Variants in TAB2 observed in about 807,000 individuals in gnomAD.
TAB2 encodes the protein TGF-beta-activated kinase 1 and MAP3K7-binding protein 2.
TAB2 carries 3 observed loss-of-function variants against 65.0 expected under a neutral mutation model. The observed-to-expected ratio is 0.05, with a 90% CI of 0.02 to 0.12. The LOEUF is 0.12. TAB2 is among the 10% of genes least tolerant of loss of function. The probability of loss-of-function intolerance (pLI) is 1.00; values close to 1 mark genes in which losing one functional copy is unlikely to be tolerated. For synonymous variants in TAB2, 298 were observed against 285.1 expected (o/e 1.05, Z -0.46); for missense variants, 623 against 840.3 (o/e 0.74, Z 3.20).
intron 1 of TAB2, chr6:149,247,478 T>A (rs1777746424): frequency 1.3e-5 from 2 of 152,216 alleles, no homozygotes; most frequent in African/African-American, 4.8e-5. Flanking sequence ...TGACTTAAAA[T>A]GACTATAAGC....
At position 149,409,971 on chromosome 6, in the gene TAB2, T is replaced by A; in HGVS notation, c.*252T>A. On this transcript the variant is annotated 3_prime_UTR_variant, in exon 7 of 7. Coordinates refer to ENST00000637181, the MANE Select transcript of TAB2 (RefSeq NM_001292034.3). ...TTGCCCACTGCCTAACTGTGTACAG[T>A]GTTACCAGTGTCCCATTATGGATAA... is the stretch of plus-strand genomic sequence containing the variant. The A allele has an allele frequency of 1.8e-6, 1 of 543,648 alleles. No homozygotes were observed. The highest frequency in any genetic ancestry group is 2.1e-5 in the South Asian group (1 of 47,572). 33.7% of individuals were successfully genotyped at this position (543,648 alleles called of 1,614,324 possible).
chr6:149,400,735 G>A (rs1782356893), intron 6 of TAB2: 1 of 1,563,398 alleles, frequency 6.4e-7, no homozygotes, highest in Admixed American at 1.9e-5. Flanking sequence ...CAAGATTACT[G>A]CATTCTCAAT....
chr6:149,331,671 A>T (rs999098251), intron 1 of TAB2, among the ~76,000 whole-genome samples: 1 of 152,116 alleles, frequency 6.6e-6, no homozygotes, highest in Non-Finnish European at 1.5e-5. Flanking sequence ...GGTTTTTTGT[A>T]GATGCTGTTT....
chr6:149,403,268 ATATATATATATATATACACAC>A (rs1782520087), intron 6 of TAB2, among the ~76,000 whole-genome samples: 1 of 46,834 alleles, frequency 2.1e-5, no homozygotes, highest in South Asian at 8.5e-4. Context: ...ATATATATAT[ATATATATATATATATACACAC>A]ACACACATAT....
chr6:149,229,683 C>T (rs1777362576), intron 1 of TAB2, among the ~76,000 whole-genome samples: 1 of 152,072 alleles, frequency 6.6e-6, no homozygotes, highest in East Asian at 1.9e-4. Context: ...CTGGTGGGCA[C>T]TGTGGACACT....
At chr6:149,404,750 A>G (rs1043424408) in intron 6 of TAB2, among the ~76,000 whole-genome samples, 6 of 152,222 alleles carry the variant, frequency 3.9e-5, no homozygotes, top group African/African-American at 7.2e-5. Flanking sequence ...TTCACACTGT[A>G]TACAAAAATA....
chr6:149,379,514 A>G lies in TAB2; in HGVS notation c.1599A>G (p.Thr533=). 1 of 1,614,050 alleles carries G rather than the reference A, an allele frequency of 6.2e-7. No homozygotes were observed. The highest frequency in any genetic ancestry group is 2.2e-5 in the East Asian group (1 of 44,884). The change falls in exon 3 of 7, where the codon ACA becomes ACG. Residue 533 remains threonine (T), a synonymous_variant. Transcript: ENST00000637181. The stretch of plus-strand genomic sequence containing the variant: ...TGGGATCTGATGATGCTGCCTACAC[A>G]CAAGGTAATATGAATACTAAAGGTG... ...LSMGSDDAAY[T]QALLVHQKAR...
chr6:149,255,397 A>C (rs1778001947), intron 1 of TAB2: 1 of 152,274 alleles, frequency 6.6e-6, no homozygotes, highest in Non-Finnish European at 1.5e-5. Context: ...ATTACAATAC[A>C]ATCAAATATA....
At chr6:149,339,610 T>A (rs1479347057) in intron 1 of TAB2, among the ~76,000 whole-genome samples, 15 of 133,590 alleles carry the variant, frequency 1.1e-4, no homozygotes, top group Non-Finnish European at 1.9e-4. Flanking sequence ...TATTTATTTT[T>A]TTTTTTTTTT....
chr6:149,324,570 T>C lies in TAB2; in HGVS notation c.-90+6555T>C, dbSNP rs868044015. Among the ~76,000 whole-genome samples, 28 of 152,242 alleles carry C rather than the reference T, an allele frequency of 1.8e-4. No homozygotes were observed. The Middle Eastern group carries it at 0.01, about 55-fold the overall frequency. ...TTGCCAGTGAAGCAGGCCAGAGATA[T>C]TGCTTGGCTCATCAGTATAGAGCCA... On this transcript the variant is annotated intron_variant, in intron 1 of 6. Transcript: ENST00000637181.
At chr6:149,266,272 T>C (rs1778263708) in intron 1 of TAB2, among the ~76,000 whole-genome samples, 1 of 152,140 alleles carries the variant, frequency 6.6e-6, no homozygotes, top group South Asian at 2.1e-4. Flanking sequence ...AGGTTGTCCG[T>C]GTGTCTGTGT....
At chr6:149,379,978 G>A (rs1295876838) in intron 3 of TAB2, 4 of 449,512 alleles carry the variant, frequency 8.9e-6, no homozygotes, top group East Asian at 7.3e-5. Context: ...GGTGGCTCAC[G>A]CCTGTAATTC....
At chr6:149,324,826 CT>C (rs35922173) in intron 1 of TAB2, among the ~76,000 whole-genome samples, 232 of 132,768 alleles carry the variant, frequency 1.7e-3, no homozygotes, top group Admixed American at 2.4e-3. Context: ...GAAAATATTA[CT>C]TTTTTTTTTT....
intron 1 of TAB2, among the ~76,000 whole-genome samples, chr6:149,252,433 T>C (rs920848648): frequency 1.3e-5 from 2 of 150,664 alleles, no homozygotes; most frequent in African/African-American, 4.9e-5. Context: ...GGCAGAGTTC[T>C]GTGTGCATCT....
intron 3 of TAB2, among the ~76,000 whole-genome samples, chr6:149,386,162 A>T (rs890511111): frequency 6.6e-6 from 1 of 152,230 alleles, no homozygotes; most frequent in Admixed American, 6.5e-5. Flanking sequence ...ACGGGATTAT[A>T]TAATATGCAC....
intron 3 of TAB2, among the ~76,000 whole-genome samples, chr6:149,390,638 T>C (rs1310273450): frequency 5.3e-5 from 8 of 152,190 alleles, no homozygotes; most frequent in Admixed American, 2.6e-4. Context: ...GAGCTTTCTG[T>C]ATAAACCATT....
chr6:149,325,386 T>C (rs1051597129), intron 1 of TAB2, among the ~76,000 whole-genome samples: 2 of 152,240 alleles, frequency 1.3e-5, no homozygotes, highest in Admixed American at 6.5e-5. Flanking sequence ...CTTCAAGGTA[T>C]CTGTCCACTT....
intron 1 of TAB2, among the ~76,000 whole-genome samples, chr6:149,309,385 C>G (rs574446): frequency 0.38 from 57,552 of 150,556 alleles, 10,968 homozygotes; most frequent in Admixed American, 0.42. Context: ...CCTCCCCACC[C>G]CAACACCAAT....
At chr6:149,218,053 G>T (rs1303696795), upstream of TAB2, 4 of 152,156 alleles carry the variant, frequency 2.6e-5, no homozygotes, top group Non-Finnish European at 5.9e-5. Flanking sequence ...AGGAGCCTAG[G>T]TCCCTGAGCT....
Sources: gnomAD v4.1 joint callset for allele counts (sites outside exome capture counted in the v4.1 genomes callset) on GRCh38, gnomAD v4.1.1 for gene constraint, MANE v1.5 for transcripts, NCBI Gene and HGNC (gene_info 2026-07-23, HGNC 2026-07-21) for gene names.